The following NTAQ1 variants were observed in gnomAD, a reference collection of about 807,000 sequenced individuals.
NTAQ1 encodes protein N-terminal glutamine amidohydrolase.
NTAQ1 carries 21 observed loss-of-function variants against 28.2 expected under a neutral mutation model. That is an observed-to-expected ratio of 0.74 (90% confidence interval 0.53 to 1.07). The LOEUF is 1.07. Ranked by LOEUF, NTAQ1 falls within the 50% of genes least tolerant of loss-of-function variation. The pLI is 0.00. For missense variants in NTAQ1, 264 were observed against 256.6 expected, an observed-to-expected ratio of 1.03 and a Z score of -0.20; for synonymous variants, 105 against 90.0, an observed-to-expected ratio of 1.17 and a Z score of -0.94.
the NTAQ1 span, among the ~76,000 whole-genome samples, chr8:123,475,243 T>G: frequency 6.6e-6 from 1 of 152,232 alleles, no homozygotes; most frequent in Non-Finnish European, 1.5e-5. Context: ...TGCCTCATTA[T>G]TTTTAGTGCT....
At chr8:123,425,451 G>A (rs2130190234) in intron 1 of NTAQ1, among the ~76,000 whole-genome samples, 1 of 150,242 alleles carries the variant, frequency 6.7e-6, no homozygotes, top group Admixed American at 6.6e-5. Context: ...AGTAGCAGTA[G>A]CAATCTTCCC....
intron 6 of NTAQ1, among the ~76,000 whole-genome samples, chr8:123,458,234 C>T (rs1211071215): frequency 1.1e-5 from 1 of 91,196 alleles, no homozygotes; most frequent in East Asian, 7.5e-4. Flanking sequence ...CTGTGCCTGG[C>T]TAACTTTTTT....
downstream of NTAQ1, among the ~76,000 whole-genome samples, chr8:123,442,981 A>G (rs137863477): frequency 3.7e-3 from 555 of 150,552 alleles, 6 homozygotes; most frequent in African/African-American, 0.012. Flanking sequence ...TTCCCTAGAA[A>G]TTTCTGCATA....
At chr8:123,439,069 G>T (rs1046034644) in intron 5 of NTAQ1, among the ~76,000 whole-genome samples, 1 of 152,196 alleles carries the variant, frequency 6.6e-6, no homozygotes, top group African/African-American at 2.4e-5. Context: ...TGGTCCAACT[G>T]GGGCAATTCC....
chr8:123,427,974 A>T lies in NTAQ1; in HGVS notation c.134A>T (p.Tyr45Phe). The change falls in exon 2 of 6, where the codon TAT becomes TTT. Residue 45 changes from tyrosine to phenylalanine, a missense_variant. Coordinates refer to ENST00000287387, the MANE Select transcript of NTAQ1 (RefSeq NM_018024.3). Reference sequence around the variant, plus strand: ...GAATACATCAAAAACCATGACCAGTATCCTTTAGAAGAATGTTATGCTGTC... The same window carrying T: ...GAATACATCAAAAACCATGACCAGTTTCCTTTAGAAGAATGTTATGCTGTC... ...LCEYIKNHDQ[Y>F]PLEECYAVFI... The T allele has an allele frequency of 6.2e-7, 1 of 1,611,638 alleles. No homozygotes were observed. The highest frequency in any genetic ancestry group is 8.5e-7 in the Non-Finnish European group (1 of 1,179,212).
chr8:123,462,506 C>T (rs563251428), intron 6 of NTAQ1, among the ~76,000 whole-genome samples: 1 of 152,182 alleles, frequency 6.6e-6, no homozygotes, highest in East Asian at 1.9e-4. Context: ...CTCTTAGAAG[C>T]CTCCTCAAAA....
chr8:123,418,596 AAG>A (rs1813465320), intron 1 of NTAQ1, among the ~76,000 whole-genome samples: 1 of 152,192 alleles, frequency 6.6e-6, no homozygotes, highest in Non-Finnish European at 1.5e-5. Flanking sequence ...GATATTTGAA[AAG>A]AGATCTGAAA....
intron 1 of NTAQ1, among the ~76,000 whole-genome samples, chr8:123,424,970 C>T (rs1487388517): frequency 3.3e-5 from 5 of 152,088 alleles, no homozygotes; most frequent in East Asian, 3.8e-4. Context: ...GGTAAACTCC[C>T]GAAAAACTTG....
downstream of NTAQ1, among the ~76,000 whole-genome samples, chr8:123,471,705 C>G (rs1816043732): frequency 6.6e-6 from 1 of 152,206 alleles, no homozygotes; most frequent in Admixed American, 6.5e-5. Flanking sequence ...GAAACTCTCT[C>G]TTACTCAAGG....
chr8:123,473,858 C>T (rs975535734), downstream of NTAQ1, among the ~76,000 whole-genome samples: 4 of 151,886 alleles, frequency 2.6e-5, no homozygotes, highest in African/African-American at 9.7e-5. Context: ...AAGGAAAGAG[C>T]ACATATAAAA....
At chr8:123,417,817 AT>A (rs1307637533) in intron 1 of NTAQ1, among the ~76,000 whole-genome samples, 6 of 151,880 alleles carry the variant, frequency 4.0e-5, no homozygotes, top group Non-Finnish European at 7.4e-5. Flanking sequence ...ACCTTCTTTT[AT>A]TATCGTTATC....
intron 1 of NTAQ1, 76 bp downstream of exon 1, chr8:123,417,008 C>T: frequency 1.5e-6 from 2 of 1,342,914 alleles, no homozygotes; most frequent in Non-Finnish European, 1.9e-6. Flanking sequence ...CCGCCTCTTC[C>T]CGGCCCCTCC....
intron 3 of NTAQ1, 91 bp from the exon 4 acceptor site, chr8:123,436,362 A>T: frequency 7.7e-7 from 1 of 1,303,420 alleles, no homozygotes; most frequent in Non-Finnish European, 1.1e-6. Context: ...TAGCAGTCCT[A>T]TATCCTTTTT....
In NTAQ1 at chr8:123,441,593, T is replaced by A; in HGVS notation, c.*178T>A. 1.6e-6 allele frequency: 1 copy of A among 626,872 alleles called. No individual in the cohort carries two copies. The highest frequency in any genetic ancestry group is 2.8e-6 in the Non-Finnish European group (1 of 358,702). 38.8% of individuals were successfully genotyped at this position (626,872 alleles called of 1,614,324 possible). A position where few individuals can be genotyped will look rare whatever the true frequency, so the allele number is the denominator to read the frequency against. ...TAAATGAACAACATAAAAACTTTTG[T>A]TTTGACATGTCAAATTGAAACTTGA... On this transcript the variant is annotated 3_prime_UTR_variant, in exon 6 of 6. Transcript: ENST00000287387.
At position 123,435,224 on chromosome 8, in the gene NTAQ1, C is replaced by T. The variant is rs16898291; in HGVS notation, c.235-1229C>T. 7.2e-3 allele frequency among the ~76,000 whole-genome samples: 1,095 copies of T among 152,208 alleles called. 9 individuals are homozygous for T. The highest frequency in any genetic ancestry group is 0.025 in the African/African-American group (1,028 of 41,512). On this transcript the variant is annotated intron_variant, in intron 3 of 5. Transcript: ENST00000287387. The stretch of plus-strand genomic sequence containing the variant: ...CTCCCTGAAATCCCTTTCAGCTCAT[C>T]GCTGGTGTTGGGCAGTACCTTGAGT...
Position 123,441,452 on chromosome 8 carries a change from A to G in NTAQ1, c.*37A>G. ...AGATGTGGAACTGTGGAGAAATTCT[A>G]GGACATGAACAAGCTATCCTTTCAT... On this transcript the variant is annotated 3_prime_UTR_variant, in exon 6 of 6. Transcript: ENST00000287387. 1 of 1,513,550 alleles carries G rather than the reference A, an allele frequency of 6.6e-7. No individual in the cohort carries two copies. The highest frequency in any genetic ancestry group is 9.1e-7 in the Non-Finnish European group (1 of 1,098,718). The allele number at this position is 1,513,550 out of a possible 1,614,324, so 93.8% of individuals were successfully genotyped here.
At chr8:123,427,247 C>CTTTTT (rs33920843) in intron 1 of NTAQ1, among the ~76,000 whole-genome samples, 38 of 81,592 alleles carry the variant, frequency 4.7e-4, no homozygotes, top group Non-Finnish European at 5.4e-4. Flanking sequence ...ATGGTCAAAG[C>CTTTTT]TTTTTTTTTT....
chr8:123,437,071 A>G, intron 4 of NTAQ1, 139 bp from the exon 5 acceptor site: 1 of 1,141,232 alleles, frequency 8.8e-7, no homozygotes, highest in East Asian at 2.6e-5. Flanking sequence ...ATAGGTAGTA[A>G]AGTTGCCTGT....
At chr8:123,451,711 G>A (rs1815499260), downstream of NTAQ1, among the ~76,000 whole-genome samples, 1 of 152,112 alleles carries the variant, frequency 6.6e-6, no homozygotes, top group Non-Finnish European at 1.5e-5. Flanking sequence ...GTAATACAGT[G>A]TCTTGGTATC....
Sources: gnomAD v4.1 joint callset for allele counts (sites outside exome capture counted in the v4.1 genomes callset) on GRCh38, gnomAD v4.1.1 for gene constraint, MANE v1.5 for transcripts, NCBI Gene and HGNC (gene_info 2026-07-23, HGNC 2026-07-21) for gene names.